The following CNOT2 variants were observed in gnomAD, a reference collection of about 807,000 sequenced individuals.
CNOT2 encodes the protein CCR4-NOT transcription complex subunit 2, also known as CC chemokine receptor 4-negative regulator of transcription 2.
CNOT2 carries 7 observed loss-of-function variants against 72.1 expected under a neutral mutation model. The ratio of observed to expected loss-of-function variants is 0.10; its 90% CI spans 0.06 to 0.18. The LOEUF is 0.18. Ranked by LOEUF, CNOT2 falls within the 10% of genes least tolerant of loss-of-function variation. CNOT2 has a pLI of 1.00. For missense variants in CNOT2, 345 were observed against 660.3 expected (o/e 0.52, Z 5.23); for synonymous variants, 196 against 225.6 (o/e 0.87, Z 1.17).
intron 1 of CNOT2, among the ~76,000 whole-genome samples, chr12:70,271,375 CTTTTTT>C (rs11285130): frequency 3.4e-5 from 3 of 89,480 alleles, no homozygotes; most frequent in Admixed American, 1.3e-4. Context: ...ATCACATTTC[CTTTTTT>C]TTTTTTTTTT....
At position 70,346,019 on chromosome 12, in the gene CNOT2, C is replaced by T. The variant is rs117304604; in HGVS notation, c.1392-161C>T. 246 of 529,218 alleles carry T rather than the reference C, an allele frequency of 4.6e-4. 1 individual carries two copies. Among genetic ancestry groups the T allele is most frequent in the Non-Finnish European group, 3.8e-4 (115 of 304,896 alleles). 32.8% of individuals were successfully genotyped at this position (529,218 alleles called of 1,614,324 possible). A position where few individuals can be genotyped will look rare whatever the true frequency, so the allele number is the denominator to read the frequency against. ...GAAATATTTTTTCTATATTTCAATG[C>T]GGTTGTATTTAATAACTTATAATAA... On this transcript the variant is annotated intron_variant, in intron 14 of 15. Coordinates refer to ENST00000229195, the MANE Select transcript of CNOT2 (RefSeq NM_014515.7).
intron 1 of CNOT2, among the ~76,000 whole-genome samples, chr12:70,260,271 T>C (rs1480304958): frequency 6.6e-6 from 1 of 152,120 alleles, no homozygotes; most frequent in African/African-American, 2.4e-5. Flanking sequence ...ATTTCTTTTT[T>C]TTTAATCAAT....
intron 1 of CNOT2, among the ~76,000 whole-genome samples, chr12:70,272,595 C>T (rs1299484319): frequency 6.6e-6 from 1 of 152,230 alleles, no homozygotes; most frequent in African/African-American, 2.4e-5. Flanking sequence ...TCTGTTGCTT[C>T]TCTCATGCTT....
intron 1 of CNOT2, among the ~76,000 whole-genome samples, chr12:70,258,822 G>C (rs1350863630): frequency 3.9e-5 from 6 of 152,178 alleles, no homozygotes; most frequent in Admixed American, 3.3e-4. Flanking sequence ...AGGAGAAAGG[G>C]CTTTCAGGAA....
chr12:70,277,707 T>C (rs1182138548), intron 1 of CNOT2, among the ~76,000 whole-genome samples: 1 of 152,212 alleles, frequency 6.6e-6, no homozygotes, highest in East Asian at 1.9e-4. Flanking sequence ...TATTTCTATC[T>C]ATCATATATA....
chr12:70,346,728 C>T (rs1430488940), intron 15 of CNOT2: 1 of 153,482 alleles, frequency 6.5e-6, no homozygotes, highest in Non-Finnish European at 1.4e-5. Flanking sequence ...GCAGGAAATA[C>T]ATCTGAATGT....
chr12:70,271,168 G>T (rs1593083754), intron 1 of CNOT2, among the ~76,000 whole-genome samples: 4 of 152,158 alleles, frequency 2.6e-5, no homozygotes, highest in African/African-American at 9.7e-5. Flanking sequence ...ATGGTTACAA[G>T]ATGGATATAG....
At chr12:70,350,221 C>T (rs1882706108) in intron 15 of CNOT2, among the ~76,000 whole-genome samples, 1 of 152,112 alleles carries the variant, frequency 6.6e-6, no homozygotes, top group South Asian at 2.1e-4. Context: ...TAGAGGCTGC[C>T]TTATTATCAG....
At chr12:70,298,938 T>G (rs756542292) in intron 2 of CNOT2, among the ~76,000 whole-genome samples, 98 of 152,132 alleles carry the variant, frequency 6.4e-4, no homozygotes, top group Non-Finnish European at 2.1e-4. Flanking sequence ...AGAGTAGAAT[T>G]GAGGGGAAGA....
chr12:70,259,183 T>G (rs1958614114), intron 1 of CNOT2, among the ~76,000 whole-genome samples: 1 of 152,200 alleles, frequency 6.6e-6, no homozygotes. Context: ...GTCTTTGACT[T>G]CAAAACCTCC....
At chr12:70,281,372 C>T (rs950074680) in intron 2 of CNOT2, among the ~76,000 whole-genome samples, 2 of 152,134 alleles carry the variant, frequency 1.3e-5, no homozygotes, top group Non-Finnish European at 2.9e-5. Flanking sequence ...CGTGAGCCAC[C>T]GGTGCCCGAT....
At chr12:70,245,709 G>T (rs1294419086) in intron 1 of CNOT2, among the ~76,000 whole-genome samples, 1 of 151,992 alleles carries the variant, frequency 6.6e-6, no homozygotes, top group African/African-American at 2.4e-5. Context: ...TCAGATTGTG[G>T]CTTATCTTCT....
In CNOT2 at chr12:70,353,873, G is replaced by T; in HGVS notation, c.1581G>T (p.Leu527=). 1 of 1,574,312 alleles carries T rather than the reference G, an allele frequency of 6.4e-7. No individual in the cohort carries two copies. The highest frequency in any genetic ancestry group is 8.6e-7 in the Non-Finnish European group (1 of 1,165,908). The change falls in exon 16 of 16, where the codon CTG becomes CTT. Residue 527 remains leucine (L), a synonymous_variant. Transcript: ENST00000229195. ...EYDKLEERPH[L]PSTFNYNPAQ... Reference sequence around the variant, plus strand: ...ACAAATTAGAAGAACGGCCTCACCTGCCATCCACCTTCAACTACAACCCTG... The same window carrying T: ...ACAAATTAGAAGAACGGCCTCACCTTCCATCCACCTTCAACTACAACCCTG...
At chr12:70,317,576 C>T (rs1259520337) in intron 3 of CNOT2, among the ~76,000 whole-genome samples, 8 of 147,790 alleles carry the variant, frequency 5.4e-5, no homozygotes, top group African/African-American at 1.7e-4. Flanking sequence ...GGTTGCACAA[C>T]CTCTGGATTT....
In CNOT2 at chr12:70,310,978, C is replaced by T. The variant is rs1263976015; in HGVS notation, c.132C>T (p.Tyr44=). 4 of 1,598,914 alleles carry T rather than the reference C, an allele frequency of 2.5e-6. No individual in the cohort carries two copies. The highest frequency in any genetic ancestry group is 3.4e-6 in the Non-Finnish European group (4 of 1,166,628). ...DSDYHDENMY[Y]SQSSMFPHRS... ...ACTACCATGACGAAAACATGTACTA[C>T]AGCCAGTCTTCTATGTTTCCACATC... The change falls in exon 3 of 16, where the codon TAC becomes TAT. Residue 44 remains tyrosine (Y), a synonymous_variant. Transcript: ENST00000229195.
intron 1 of CNOT2, chr12:70,244,123 A>G: frequency 6.6e-6 from 1 of 152,550 alleles, no homozygotes; most frequent in Non-Finnish European, 1.5e-5. Context: ...TGGGATACCG[A>G]AGGCTGTGCA....
intron 2 of CNOT2, among the ~76,000 whole-genome samples, chr12:70,291,672 T>C (rs1384886166): frequency 1.3e-5 from 2 of 152,048 alleles, no homozygotes; most frequent in Non-Finnish European, 2.9e-5. Flanking sequence ...GCGTGGTGGC[T>C]CACGCCTCTA....
Position 70,354,117 on chromosome 12 carries a change from A to G in CNOT2, c.*202A>G. ...TGTGCTGCCCAACAACTAAATTTGT[A>G]ATTTGTTTTTCTCTAGTTTGAGCAG... On this transcript the variant is annotated 3_prime_UTR_variant, in exon 16 of 16. Transcript: ENST00000229195. 2.0e-6 allele frequency: 2 copies of G among 1,024,004 alleles called. No individual in the cohort carries two copies. The highest frequency in any genetic ancestry group is 5.9e-5 in the East Asian group (2 of 34,026). The allele number at this position is 1,024,004 out of a possible 1,614,324, so 63.4% of individuals were successfully genotyped here.
At chr12:70,349,719 G>A (rs1373478886) in intron 15 of CNOT2, among the ~76,000 whole-genome samples, 1 of 152,060 alleles carries the variant, frequency 6.6e-6, no homozygotes, top group Non-Finnish European at 1.5e-5. Flanking sequence ...GTTGACATTG[G>A]TTGGGCATGG....
Sources: gnomAD v4.1 joint callset for allele counts (sites outside exome capture counted in the v4.1 genomes callset) on GRCh38, gnomAD v4.1.1 for gene constraint, MANE v1.5 for transcripts, NCBI Gene and HGNC (gene_info 2026-07-23, HGNC 2026-07-21) for gene names.